The following NR1D2 variants were observed in gnomAD, a reference collection of about 807,000 sequenced individuals.
NR1D2 encodes the protein V-erbA-related protein 1-related.
NR1D2 carries 25 observed loss-of-function variants against 52.2 expected under a neutral mutation model. That is an observed-to-expected ratio of 0.48 (90% CI 0.35 to 0.67). NR1D2 has a LOEUF of 0.67. Among genes scored for constraint, NR1D2 ranks in the 30% least tolerant of loss-of-function variants. The pLI is 0.01. For missense variants in NR1D2, 681 were observed against 707.2 expected, an observed-to-expected ratio of 0.96 and a Z score of 0.42; for synonymous variants, 259 against 230.1, an observed-to-expected ratio of 1.13 and a Z score of -1.14.
intron 1 of NR1D2, among the ~76,000 whole-genome samples, chr3:23,953,637 T>C (rs544172112): frequency 2.0e-5 from 3 of 152,264 alleles, no homozygotes; most frequent in African/African-American, 7.2e-5. Flanking sequence ...TAGCCACATA[T>C]GTCTTCTGGG....
chr3:23,947,572 G>T (rs1202592142), intron 1 of NR1D2, among the ~76,000 whole-genome samples: 1 of 152,212 alleles, frequency 6.6e-6, no homozygotes, highest in Admixed American at 6.5e-5. Flanking sequence ...GGCAGGCTTA[G>T]TATTTTTGGC....
rs1706044832 is a variant in NR1D2, at chr3:23,955,030, T to C, written c.283+227T>C. On this transcript the variant is annotated intron_variant, in intron 2 of 7. Coordinates refer to ENST00000312521, the MANE Select transcript of NR1D2 (RefSeq NM_005126.5). ...GAGCAAGACATGTGATTATGTACTCTGCCTGACCCTGGTCCCTCTAGGGTA... is the reference window on the plus strand; with the variant it reads ...GAGCAAGACATGTGATTATGTACTCCGCCTGACCCTGGTCCCTCTAGGGTA... Among the ~76,000 whole-genome samples, 3 of 152,356 alleles carry C rather than the reference T, an allele frequency of 2.0e-5. No homozygotes were observed. In the South Asian group the frequency reaches 6.2e-4, roughly 32 times the overall value.
At chr3:23,950,207 T>C (rs545776445) in intron 1 of NR1D2, among the ~76,000 whole-genome samples, 2 of 152,368 alleles carry the variant, frequency 1.3e-5, no homozygotes, top group East Asian at 1.9e-4. Context: ...GTGGCAGATA[T>C]TCCAATTTTA....
intron 6 of NR1D2, among the ~76,000 whole-genome samples, chr3:23,967,603 C>T (rs1189226642): frequency 6.6e-6 from 1 of 151,812 alleles, no homozygotes; most frequent in Non-Finnish European, 1.5e-5. Flanking sequence ...GCCACAAGAA[C>T]GAAACTCCAT....
At chr3:23,969,695 C>G (rs1706538579) in intron 7 of NR1D2, among the ~76,000 whole-genome samples, 1 of 152,170 alleles carries the variant, frequency 6.6e-6, no homozygotes, top group Non-Finnish European at 1.5e-5. Flanking sequence ...CACAAGCTTG[C>G]TAAGTGTTTT....
intron 4 of NR1D2, among the ~76,000 whole-genome samples, chr3:23,960,859 A>G (rs1467095889): frequency 6.6e-6 from 1 of 152,206 alleles, no homozygotes; most frequent in African/African-American, 2.4e-5. Context: ...AGAGGCTACA[A>G]TTAGATTAAC....
Position 23,980,066 on chromosome 3 carries a change from T to C in NR1D2, c.*2647T>C, listed in dbSNP as rs571712314. 2.6e-5 allele frequency: 4 copies of C among 152,146 alleles called. No homozygotes were observed. The highest frequency in any genetic ancestry group is 6.5e-5 in the Admixed American group (1 of 15,280). 9.4% of individuals were successfully genotyped at this position (152,146 alleles called of 1,614,324 possible). On this transcript the variant is annotated 3_prime_UTR_variant, in exon 8 of 8. Transcript: ENST00000312521. ...CATCTTGGGATGAAGCTTGTCCTTA[T>C]GGTGATGGTTTAATTACAGATTAAA...
intron 4 of NR1D2, among the ~76,000 whole-genome samples, chr3:23,960,991 C>T (rs1232590608): frequency 6.6e-6 from 1 of 152,152 alleles, no homozygotes; most frequent in Non-Finnish European, 1.5e-5. Context: ...CTAAGACTAG[C>T]TTCTAAAAGA....
intron 3 of NR1D2, among the ~76,000 whole-genome samples, chr3:23,957,031 G>A (rs1328245534): frequency 6.6e-6 from 1 of 151,818 alleles, no homozygotes; most frequent in African/African-American, 2.4e-5. Flanking sequence ...TTCCCAGGCT[G>A]AAGTGCAGTG....
At chr3:23,971,502 T>A (rs1017142973) in intron 7 of NR1D2, among the ~76,000 whole-genome samples, 5 of 149,314 alleles carry the variant, frequency 3.3e-5, no homozygotes, top group Non-Finnish European at 3.0e-5. Flanking sequence ...CTCCTGACCT[T>A]AGGTGATCCA....
chr3:23,963,400 G>C, intron 5 of NR1D2: 1 of 1,235,692 alleles, frequency 8.1e-7, no homozygotes, highest in Non-Finnish European at 1.0e-6. Context: ...AATTTTTGTT[G>C]TCACTTGGAG....
At chr3:23,958,375 A>G (rs1706141731) in intron 3 of NR1D2, among the ~76,000 whole-genome samples, 1 of 152,206 alleles carries the variant, frequency 6.6e-6, no homozygotes, top group Non-Finnish European at 1.5e-5. Flanking sequence ...GGCTGGGTGC[A>G]GTGGCTCAGG....
rs565085182 is a variant in NR1D2 at position 23,971,467 on chromosome 3, T to C, written c.1543+3444T>C. 5.3e-5 allele frequency among the ~76,000 whole-genome samples: 8 copies of C among 151,588 alleles called. No homozygotes were observed. The Middle Eastern group carries it at 0.014, about 258-fold the overall frequency. ...TATTTTTAGTAGAGACAGGGTTTCG[T>C]CGTGTTGGCCGGGCTGGTCTTGAAC... is the stretch of plus-strand genomic sequence containing the variant. On this transcript the variant is annotated intron_variant, in intron 7 of 7. Coordinates refer to ENST00000312521, the MANE Select transcript of NR1D2 (RefSeq NM_005126.5).
rs1187181946 is a variant in NR1D2 at position 23,979,528 on chromosome 3, T to A, written c.*2109T>A. The A allele has an allele frequency of 6.6e-6, 1 of 152,106 alleles. No individual in the cohort carries two copies. The highest frequency in any genetic ancestry group is 2.4e-5 in the African/African-American group (1 of 41,450). The allele number at this position is 152,106 out of a possible 1,614,324, so 9.4% of individuals were successfully genotyped here. A position where few individuals can be genotyped will look rare whatever the true frequency, so the allele number is the denominator to read the frequency against. Reference sequence around the variant, plus strand: ...ACCAGAACTATGTTAGTATTGCTTATAAAACTTTAGTTAGGTTCAATATAT... The same window carrying A: ...ACCAGAACTATGTTAGTATTGCTTAAAAAACTTTAGTTAGGTTCAATATAT... On this transcript the variant is annotated 3_prime_UTR_variant, in exon 8 of 8. Transcript: ENST00000312521.
chr3:23,967,905 C>T lies in NR1D2; in HGVS notation c.1425C>T (p.His475=), dbSNP rs145116056. 8 of 1,613,828 alleles carry T rather than the reference C, an allele frequency of 5.0e-6. No individual in the cohort carries two copies. Among genetic ancestry groups the T allele is most frequent in the Non-Finnish European group, 6.8e-6 (8 of 1,179,862 alleles). Residue 475 remains histidine (H), a synonymous_variant, in exon 7 of 8, where the codon CAC becomes CAT. Transcript: ENST00000312521. ...SGKKYSVDDL[H]SMGAGDLLNS... Reference sequence around the variant, plus strand: ...AGAAATATAGTGTGGATGATTTACACTCAATGGGAGCAGGGGATCTGCTAA... The same window carrying T: ...AGAAATATAGTGTGGATGATTTACATTCAATGGGAGCAGGGGATCTGCTAA...
At chr3:23,955,882 CT>C (rs1471751514) in intron 2 of NR1D2, among the ~76,000 whole-genome samples, 154 bp from the exon 3 acceptor site, 1 of 151,966 alleles carries the variant, frequency 6.6e-6, no homozygotes, top group African/African-American at 2.4e-5. Context: ...ATTGTGATTA[CT>C]TTTGATTTGA....
At chr3:23,963,362 T>G in intron 5 of NR1D2, 1 of 1,311,218 alleles carries the variant, frequency 7.6e-7, no homozygotes, top group Non-Finnish European at 1.0e-6. Context: ...ATTTTCAAAA[T>G]AGTTGACTCT....
chr3:23,977,353 G>A lies in NR1D2; in HGVS notation c.1674G>A (p.Leu558=), dbSNP rs774180497. 6 of 1,613,554 alleles carry A rather than the reference G, an allele frequency of 3.7e-6. No homozygotes were observed. The African/African-American group carries it at 8.0e-5, about 22-fold the overall frequency. ...ASIFTKLLLK[L]PDLRSLNNMH... ...TTTTTACAAAACTGCTTCTAAAGTT[G>A]CCAGATCTTCGATCTTTAAACAACA... The change falls in exon 8 of 8, where the codon TTG becomes TTA. Residue 558 remains leucine, a synonymous_variant. Transcript: ENST00000312521.
intron 4 of NR1D2, 24 bp downstream of exon 4, chr3:23,959,839 T>A: frequency 6.2e-7 from 1 of 1,600,948 alleles, no homozygotes; most frequent in Non-Finnish European, 8.5e-7. Context: ...TTAAAGAGTG[T>A]TCCTAAAGTG....
Sources: allele counts gnomAD v4.1 joint callset (sites outside exome capture counted in the v4.1 genomes callset), GRCh38; gene constraint gnomAD v4.1.1; transcripts MANE v1.5; gene names NCBI Gene and HGNC (gene_info 2026-07-23, HGNC 2026-07-21).